DOCK9: variants seen among roughly 807,000 people sequenced by gnomAD.
The protein encoded by DOCK9 is dedicator of cytokinesis protein 9.
In DOCK9, 89 loss-of-function variants were observed where a neutral mutation model predicts 263.3. The ratio of observed to expected loss-of-function variants is 0.34; its 90% confidence interval spans 0.28 to 0.40. The LOEUF (loss-of-function observed/expected upper bound fraction) is 0.40, where lower values mean the gene tolerates loss of function less well. DOCK9 is among the 10% of genes least tolerant of loss of function. The pLI is 1.00. For missense variants in DOCK9, 2,140 were observed against 2,603.4 expected (o/e 0.82, Z 3.87); for synonymous variants, 976 against 973.1 (o/e 1.00, Z -0.06).
In DOCK9 at chr13:98,881,993, C is replaced by G; in HGVS notation, c.2574G>C (p.Met858Ile). 6.3e-7 allele frequency: 1 copy of G among 1,590,278 alleles called. No individual in the cohort carries two copies. ...AGAAGGCGATCATCACGTGGCCTTCCATCGCATGCAGACTCTACGGACACA... is the reference window on the plus strand; with the variant it reads ...AGAAGGCGATCATCACGTGGCCTTCGATCGCATGCAGACTCTACGGACACA... ...LVKYLKSLHA[M>I]EGHVMIAFLP... Residue 858 changes from methionine to isoleucine, a missense_variant, in exon 24 of 53, where the codon ATG (methionine) becomes ATC (isoleucine). Met to Ile is a conservative substitution (Grantham distance 10, BLOSUM62 1). This residue lies in a region of DOCK9 where 1,521 missense variants were observed against 1,741.7 expected (regional missense o/e 0.87). Coordinates refer to ENST00000682017, the MANE Select transcript of DOCK9 (RefSeq NM_001366683.2).
chr13:98,878,852 G>C (rs1460020535), intron 27 of DOCK9, among the ~76,000 whole-genome samples: 2 of 152,182 alleles, frequency 1.3e-5, no homozygotes, highest in East Asian at 3.9e-4. Context: ...GCTTTTCCAA[G>C]GCTTCCTCGG....
intron 27 of DOCK9, among the ~76,000 whole-genome samples, chr13:98,879,365 C>A (rs1201872095): frequency 6.6e-6 from 1 of 152,082 alleles, no homozygotes; most frequent in African/African-American, 2.4e-5. Context: ...TGCGCATCTG[C>A]CCCAACGAGA....
At chr13:98,840,814 G>C (rs1033603766) in intron 38 of DOCK9, among the ~76,000 whole-genome samples, 1 of 152,110 alleles carries the variant, frequency 6.6e-6, no homozygotes, top group South Asian at 2.1e-4. Context: ...ATTCTTGTTC[G>C]TATTTTGACT....
intron 48 of DOCK9, 60 bp downstream of exon 48, chr13:98,807,601 A>G: frequency 7.2e-7 from 1 of 1,388,698 alleles, no homozygotes; most frequent in South Asian, 1.8e-5. Flanking sequence ...TTAAAAATAT[A>G]TAATATGTAA....
intron 49 of DOCK9, among the ~76,000 whole-genome samples, chr13:98,802,036 G>A (rs1015745113): frequency 1.3e-5 from 2 of 152,198 alleles, no homozygotes. Flanking sequence ...ACTCGGCCTC[G>A]CTGCTCCCTA....
At chr13:98,963,859 T>C (rs2058926308) in intron 1 of DOCK9, among the ~76,000 whole-genome samples, 1 of 152,220 alleles carries the variant, frequency 6.6e-6, no homozygotes, top group Admixed American at 6.5e-5. Context: ...CTCACAAGTG[T>C]GGGACACACA....
At chr13:98,795,985 C>T (rs1429430102) in intron 52 of DOCK9, among the ~76,000 whole-genome samples, 1 of 152,076 alleles carries the variant, frequency 6.6e-6, no homozygotes, top group Admixed American at 6.5e-5. Context: ...TCTCGAACTC[C>T]TGACCTCAGA....
Position 98,853,521 on chromosome 13 carries a change from T to A in DOCK9, c.3833A>T (p.His1278Leu), listed in dbSNP as rs779047074. 1.1e-5 allele frequency: 17 copies of A among 1,606,986 alleles called. No homozygotes were observed. Among genetic ancestry groups the A allele is most frequent in the Non-Finnish European group, 1.4e-5 (16 of 1,175,934 alleles). The stretch of plus-strand genomic sequence containing the variant: ...ATTTCCCAATGTGCTACTTTGTTGG[T>A]GCTAAAAAGAAAATACAGGTGATTT... Reference protein sequence around the residue: ...NSEKSNSLDKHQQSSTLGNSV... With the variant: ...NSEKSNSLDKLQQSSTLGNSV... Residue 1278 changes from histidine (H) to leucine (L), a missense_variant and splice_region_variant, in exon 35 of 53, where the codon CAC (histidine) becomes CTC (leucine). By Grantham distance (99) the His-to-Leu change is moderately conservative. This residue lies in a region of DOCK9 where 1,521 missense variants were observed against 1,741.7 expected (regional missense o/e 0.87). Transcript: ENST00000682017.
At chr13:98,801,123 G>C (rs1237073692) in intron 49 of DOCK9, among the ~76,000 whole-genome samples, 3 of 148,012 alleles carry the variant, frequency 2.0e-5, no homozygotes, top group Non-Finnish European at 4.6e-5. Flanking sequence ...TTGTAATTTT[G>C]TAAAAAATAC....
chr13:98,836,992 T>A (rs185789924), intron 39 of DOCK9, among the ~76,000 whole-genome samples: 18 of 150,662 alleles, frequency 1.2e-4, no homozygotes, highest in African/African-American at 4.4e-4. Context: ...TGAATATTAT[T>A]TGCTAAAACT....
At chr13:99,055,457 G>A (rs942619151) in intron 1 of DOCK9, among the ~76,000 whole-genome samples, 2 of 152,164 alleles carry the variant, frequency 1.3e-5, no homozygotes, top group Non-Finnish European at 2.9e-5. Flanking sequence ...TGCGGGGAAG[G>A]GGGCATCGCA....
chr13:99,006,978 A>G (rs1296773085), intron 1 of DOCK9, among the ~76,000 whole-genome samples: 1 of 152,074 alleles, frequency 6.6e-6, no homozygotes, highest in Non-Finnish European at 1.5e-5. Context: ...TGTAGTCCCA[A>G]TTACTCAGGA....
At chr13:99,063,914 G>A (rs994032168) in intron 1 of DOCK9, among the ~76,000 whole-genome samples, 1 of 151,806 alleles carries the variant, frequency 6.6e-6, no homozygotes, top group Non-Finnish European at 1.5e-5. Flanking sequence ...CAGGTTTCAC[G>A]CTGAGGAGCA....
At chr13:98,861,261 A>G (rs367996275) in intron 32 of DOCK9, among the ~76,000 whole-genome samples, 2 of 152,220 alleles carry the variant, frequency 1.3e-5, no homozygotes, top group South Asian at 2.1e-4. Context: ...GCTCAGTGTA[A>G]TGTTACTTAG....
At chr13:98,972,979 G>GA (rs772450299) in intron 1 of DOCK9, among the ~76,000 whole-genome samples, 1 of 152,108 alleles carries the variant, frequency 6.6e-6, no homozygotes, top group Non-Finnish European at 1.5e-5. Flanking sequence ...ATAAACAAAT[G>GA]AAACACAAAG....
chr13:98,997,575 C>T (rs1461572137), intron 1 of DOCK9, among the ~76,000 whole-genome samples: 2 of 152,210 alleles, frequency 1.3e-5, no homozygotes, highest in Admixed American at 1.3e-4. Context: ...TTCAAAACCA[C>T]CCACTCTTTT....
chr13:98,837,597 G>A lies in DOCK9; in HGVS notation c.4211C>T (p.Ser1404Leu), dbSNP rs187697334. The A allele has an allele frequency of 5.6e-6, 9 of 1,612,768 alleles. No homozygotes were observed. Among genetic ancestry groups the A allele is most frequent in the Admixed American group, 3.3e-5 (2 of 59,992 alleles). ...TGACTGGTGCAGAACATCTGCGTCC[G>A]AGTGGCCATAGCCTGCATGAATTAC... Reference protein sequence around the residue: ...SLTFNHSYGHSDADVLHQSLL... With the variant: ...SLTFNHSYGHLDADVLHQSLL... The change falls in exon 39 of 53, where the codon TCG (serine) becomes TTG (leucine). Residue 1404 changes from serine (S) to leucine (L), a missense_variant. By Grantham distance (145) the Ser-to-Leu change is moderately radical. This residue lies in a region of DOCK9 where 1,521 missense variants were observed against 1,741.7 expected (regional missense o/e 0.87). Transcript: ENST00000682017.
At chr13:98,954,632 T>C (rs547070924) in intron 2 of DOCK9, among the ~76,000 whole-genome samples, 1 of 152,280 alleles carries the variant, frequency 6.6e-6, no homozygotes, top group African/African-American at 2.4e-5. Context: ...TGGCTAACCT[T>C]GAACGCTTTG....
At chr13:98,897,352 G>A (rs2047594055) in intron 15 of DOCK9, 136 bp downstream of exon 15, 1 of 1,085,870 alleles carries the variant, frequency 9.2e-7, no homozygotes, top group East Asian at 2.5e-5. Flanking sequence ...TCAAGGGTTT[G>A]AGGAAATGCT....
Sources: allele counts gnomAD v4.1 joint callset (sites outside exome capture counted in the v4.1 genomes callset), GRCh38; gene constraint gnomAD v4.1.1; regional missense constraint gnomAD v4.1.1; transcripts MANE v1.5; gene names NCBI Gene and HGNC (gene_info 2026-07-23, HGNC 2026-07-21).